SH3GL3: variants seen among roughly 807,000 people sequenced by gnomAD.
The protein encoded by SH3GL3 is endophilin-A3.
SH3GL3 carries 33 observed loss-of-function variants against 47.7 expected under a neutral mutation model. That is an observed-to-expected ratio of 0.69 (90% confidence interval 0.52 to 0.92). The LOEUF (loss-of-function observed/expected upper bound fraction) is 0.92, where lower values mean the gene tolerates loss of function less well. Among genes scored for constraint, SH3GL3 ranks in the 40% least tolerant of loss-of-function variants. SH3GL3 has a pLI of 0.00. For synonymous variants in SH3GL3, 155 were observed against 148.8 expected (o/e 1.04, Z -0.30); for missense variants, 363 against 417.8 (o/e 0.87, Z 1.14).
rs574293883 is a variant in SH3GL3 at position 83,518,287 on chromosome 15, G to A, written c.46-40966G>A. Among the ~76,000 whole-genome samples the A allele has an allele frequency of 9.3e-4, 142 of 152,298 alleles. 1 individual carries two copies. The highest frequency in any genetic ancestry group is 3.2e-3 in the African/African-American group (132 of 41,560). On this transcript the variant is annotated intron_variant, in intron 1 of 8. Coordinates refer to ENST00000427482, the MANE Select transcript of SH3GL3 (RefSeq NM_003027.5). Reference sequence around the variant, plus strand: ...GATTGCTGGGTTGAATGGTAGTTTCGTTTTAAGTTCTTTGAGAAATCTCCA... The same window carrying A: ...GATTGCTGGGTTGAATGGTAGTTTCATTTTAAGTTCTTTGAGAAATCTCCA...
At chr15:83,482,284 T>G (rs2041393347) in intron 1 of SH3GL3, among the ~76,000 whole-genome samples, 2 of 152,244 alleles carry the variant, frequency 1.3e-5, no homozygotes, top group African/African-American at 2.4e-5. Flanking sequence ...TTTGTGGTTG[T>G]TGCAAGCTTT....
At chr15:83,473,269 T>G (rs2151536571) in intron 1 of SH3GL3, among the ~76,000 whole-genome samples, 1 of 151,988 alleles carries the variant, frequency 6.6e-6, no homozygotes, top group South Asian at 2.1e-4. Context: ...ATGGGTCTAC[T>G]TGGCCTTCTC....
At chr15:83,539,338 G>A (rs2044057079) in intron 1 of SH3GL3, among the ~76,000 whole-genome samples, 1 of 152,196 alleles carries the variant, frequency 6.6e-6, no homozygotes, top group Admixed American at 6.5e-5. Flanking sequence ...TCCCTGTATG[G>A]TGGAAGAGTG....
chr15:83,580,451 T>TGTCAG (rs2059801691), intron 6 of SH3GL3, among the ~76,000 whole-genome samples: 4 of 152,320 alleles, frequency 2.6e-5, no homozygotes, highest in African/African-American at 7.2e-5. Context: ...GCAGAGGCCC[T>TGTCAG]GACACTTCCT....
chr15:83,618,746 C>T (rs2060892339), downstream of SH3GL3: 1 of 167,480 alleles, frequency 6.0e-6, no homozygotes, highest in Non-Finnish European at 1.3e-5. Context: ...TGGCAAAAGG[C>T]CTTGGTTATT....
At chr15:83,517,485 C>T (rs1056568192) in intron 1 of SH3GL3, among the ~76,000 whole-genome samples, 34 of 152,052 alleles carry the variant, frequency 2.2e-4, no homozygotes, top group African/African-American at 7.5e-4. Context: ...GAATTACAGG[C>T]GTGAGCCACC....
chr15:83,547,790 T>A (rs973324451), intron 1 of SH3GL3, among the ~76,000 whole-genome samples: 3 of 145,654 alleles, frequency 2.1e-5, no homozygotes, highest in African/African-American at 7.6e-5. Flanking sequence ...TTTTTTTTTT[T>A]AAATGCTGGC....
At chr15:83,492,697 G>A (rs2041923468) in intron 1 of SH3GL3, among the ~76,000 whole-genome samples, 1 of 152,222 alleles carries the variant, frequency 6.6e-6, no homozygotes, top group African/African-American at 2.4e-5. Context: ...AAAGCTGGTG[G>A]ACAAATACCC....
chr15:83,630,767 A>G, the SH3GL3 span, among the ~76,000 whole-genome samples: 1 of 152,120 alleles, frequency 6.6e-6, no homozygotes, highest in Non-Finnish European at 1.5e-5. Flanking sequence ...GGGAACTACA[A>G]TTCAAGATGA....
At chr15:83,608,236 C>A (rs1250238550) in intron 8 of SH3GL3, among the ~76,000 whole-genome samples, 1 of 152,142 alleles carries the variant, frequency 6.6e-6, no homozygotes, top group Non-Finnish European at 1.5e-5. Flanking sequence ...TCTAGAAAGA[C>A]AGCAGTTCAT....
intron 6 of SH3GL3, among the ~76,000 whole-genome samples, chr15:83,580,678 C>T (rs957668683): frequency 6.6e-6 from 1 of 152,208 alleles, no homozygotes; most frequent in African/African-American, 2.4e-5. Flanking sequence ...GGCCTAAAGT[C>T]CTGTTGGCAC....
chr15:83,540,923 G>A (rs1427424834), intron 1 of SH3GL3, among the ~76,000 whole-genome samples: 1 of 151,966 alleles, frequency 6.6e-6, no homozygotes, highest in African/African-American at 2.4e-5. Context: ...TAACCATCCC[G>A]ATTCCCTCTA....
rs71156085 is a variant in SH3GL3 at position 83,541,312 on chromosome 15, A to ATTTTTTTTTTT, written c.46-17912_46-17902dup. ...GATGGCTGGATCATATGGTAATTCT[A>ATTTTTTTTTTT]TTTTTTTTTTTTTTTTTTTTTTTTT... is the stretch of plus-strand genomic sequence containing the variant. On this transcript the variant is annotated intron_variant, in intron 1 of 8. Transcript: ENST00000427482. Among the ~76,000 whole-genome samples, 191 of 47,362 alleles carry ATTTTTTTTTTT rather than the reference A, an allele frequency of 4.0e-3. 59 individuals carry two copies. Among genetic ancestry groups the ATTTTTTTTTTT allele is most frequent in the East Asian group, 0.015 (16 of 1,088 alleles). 31.1% of individuals were successfully genotyped at this position (47,362 alleles called of 152,430 possible).
chr15:83,604,184 A>G (rs535043709), intron 8 of SH3GL3, among the ~76,000 whole-genome samples: 1 of 152,268 alleles, frequency 6.6e-6, no homozygotes, highest in South Asian at 2.1e-4. Flanking sequence ...TAAGCAAATT[A>G]ACTAAAAATT....
downstream of SH3GL3, among the ~76,000 whole-genome samples, chr15:83,620,084 GC>G (rs1204356447): frequency 1.3e-5 from 2 of 152,074 alleles, no homozygotes; most frequent in South Asian, 2.1e-4. Flanking sequence ...ATCTATTCAA[GC>G]TTTTTTACGA....
At chr15:83,631,000 C>T in the SH3GL3 span, among the ~76,000 whole-genome samples, 1 of 152,178 alleles carries the variant, frequency 6.6e-6, no homozygotes, top group Non-Finnish European at 1.5e-5. Flanking sequence ...TTAGTTACTT[C>T]CTAGTAACTA....
At chr15:83,583,730 T>C (rs1030062253) in intron 6 of SH3GL3, among the ~76,000 whole-genome samples, 7 of 152,074 alleles carry the variant, frequency 4.6e-5, no homozygotes, top group Admixed American at 1.3e-4. Context: ...TTGTTTATTG[T>C]GTATAGTCTG....
At chr15:83,536,100 A>G (rs1327928997) in intron 1 of SH3GL3, among the ~76,000 whole-genome samples, 1 of 152,186 alleles carries the variant, frequency 6.6e-6, no homozygotes, top group Admixed American at 6.5e-5. Context: ...CGCAGCTACT[A>G]ATTTCTATGT....
the SH3GL3 span, among the ~76,000 whole-genome samples, chr15:83,631,484 G>A: frequency 2.6e-4 from 40 of 152,324 alleles, no homozygotes; most frequent in Middle Eastern, 0.014. Context: ...TGGACAGCCA[G>A]GGGTTTCCAT....
Sources: gnomAD v4.1 joint callset for allele counts (sites outside exome capture counted in the v4.1 genomes callset) on GRCh38, gnomAD v4.1.1 for gene constraint, MANE v1.5 for transcripts, NCBI Gene and HGNC (gene_info 2026-07-23, HGNC 2026-07-21) for gene names.